The following TMCO1 variants were observed in gnomAD, a reference collection of about 807,000 sequenced individuals.
TMCO1 encodes transmembrane and coiled-coil domains 1, also known as calcium load-activated calcium channel.
TMCO1 carries 29 observed loss-of-function variants against 29.3 expected under a neutral mutation model. That is an observed-to-expected ratio of 0.99 (90% CI 0.74 to 1.35). The LOEUF is 1.35. Among genes scored for constraint, TMCO1 ranks in the 40% most tolerant of loss-of-function variants. The probability of loss-of-function intolerance (pLI) is 0.00; values close to 1 mark genes in which losing one functional copy is unlikely to be tolerated. For missense variants in TMCO1, 173 were observed against 225.5 expected (o/e 0.77, Z 1.49); for synonymous variants, 80 against 77.1 (o/e 1.04, Z -0.20).
chr1:165,751,869 T>C (rs1044530581), intron 5 of TMCO1, among the ~76,000 whole-genome samples: 1 of 151,106 alleles, frequency 6.6e-6, no homozygotes, highest in African/African-American at 2.4e-5. Context: ...ACATAAATAA[T>C]GTATGGATGA....
At chr1:165,759,926 G>C (rs1288341362) in intron 2 of TMCO1, among the ~76,000 whole-genome samples, 1 of 151,948 alleles carries the variant, frequency 6.6e-6, no homozygotes, top group Non-Finnish European at 1.5e-5. Context: ...AGATAACTAG[G>C]GTTAATTGTA....
intron 2 of TMCO1, among the ~76,000 whole-genome samples, chr1:165,765,933 G>A (rs1429221789): frequency 6.6e-6 from 1 of 152,192 alleles, no homozygotes; most frequent in Non-Finnish European, 1.5e-5. Context: ...AGGGAGACAG[G>A]AACACTTGTT....
intron 2 of TMCO1, among the ~76,000 whole-genome samples, chr1:165,765,885 A>G (rs1240533985): frequency 6.6e-6 from 1 of 152,196 alleles, no homozygotes; most frequent in East Asian, 1.9e-4. Context: ...TAGGCTTTTA[A>G]AAAGATTATT....
intron 5 of TMCO1, among the ~76,000 whole-genome samples, chr1:165,750,204 T>C (rs1372062416): frequency 6.6e-6 from 1 of 152,124 alleles, no homozygotes; most frequent in South Asian, 2.1e-4. Context: ...ATACATACTA[T>C]CTAAAAATTC....
chr1:165,743,100 A>G, intron 6 of TMCO1, 67 bp downstream of exon 6: 1 of 1,566,064 alleles, frequency 6.4e-7, no homozygotes, highest in South Asian at 1.1e-5. Context: ...GTATTATAAA[A>G]GTAAAAGCTA....
chr1:165,765,219 C>T (rs1307130050), intron 2 of TMCO1, among the ~76,000 whole-genome samples: 1 of 152,080 alleles, frequency 6.6e-6, no homozygotes, highest in Non-Finnish European at 1.5e-5. Flanking sequence ...ATAAAAGCAA[C>T]AGAAAAAATA....
intron 6 of TMCO1, among the ~76,000 whole-genome samples, chr1:165,731,065 A>G (rs1464274634): frequency 6.6e-6 from 1 of 151,872 alleles, no homozygotes; most frequent in Admixed American, 6.6e-5. Context: ...ATGCCCAGCT[A>G]ATTTTTTGTA....
chr1:165,754,192 T>C, intron 4 of TMCO1, 36 bp downstream of exon 4: 1 of 1,562,070 alleles, frequency 6.4e-7, no homozygotes, highest in East Asian at 2.2e-5. Context: ...AAAAATATTA[T>C]GTGGTTAACC....
At chr1:165,743,915 C>T (rs897705134) in intron 5 of TMCO1, among the ~76,000 whole-genome samples, 3 of 150,370 alleles carry the variant, frequency 2.0e-5, no homozygotes, top group East Asian at 2.0e-4. Flanking sequence ...GGCCAGAGTG[C>T]AGTGTCGCCG....
intron 5 of TMCO1, among the ~76,000 whole-genome samples, chr1:165,750,890 T>A (rs1651968877): frequency 1.3e-5 from 2 of 151,732 alleles, no homozygotes; most frequent in South Asian, 4.2e-4. Context: ...GCCAACATGG[T>A]GAAACCCCGT....
At chr1:165,765,020 AAAGCATTC>A (rs1558043833) in intron 2 of TMCO1, among the ~76,000 whole-genome samples, 1 of 152,210 alleles carries the variant, frequency 6.6e-6, no homozygotes, top group Non-Finnish European at 1.5e-5. Context: ...GCAAAAGAAG[AAAGCATTC>A]AAGTCAACAA....
intron 6 of TMCO1, among the ~76,000 whole-genome samples, chr1:165,736,126 G>T (rs193266958): frequency 1.3e-5 from 2 of 152,272 alleles, no homozygotes; most frequent in Admixed American, 1.3e-4. Context: ...GCAGACAGAA[G>T]GCACTCTCTA....
At chr1:165,767,796 C>A (rs1403773955) in intron 2 of TMCO1, among the ~76,000 whole-genome samples, 1 of 152,184 alleles carries the variant, frequency 6.6e-6, no homozygotes, top group African/African-American at 2.4e-5. Context: ...CCTCATGCCT[C>A]AGTCTCCCAA....
intron 5 of TMCO1, among the ~76,000 whole-genome samples, chr1:165,746,248 G>A (rs931948919): frequency 2.7e-5 from 4 of 149,890 alleles, no homozygotes; most frequent in Admixed American, 2.0e-4. Context: ...GGCGGAGGTC[G>A]TAGTGAGCCG....
intron 5 of TMCO1, among the ~76,000 whole-genome samples, chr1:165,744,385 A>T (rs1199408434): frequency 6.6e-6 from 1 of 152,234 alleles, no homozygotes; most frequent in African/African-American, 2.4e-5. Flanking sequence ...TAGTTATCTC[A>T]GAAACCACTA....
At chr1:165,747,340 ATAT>A (rs1651837625) in intron 5 of TMCO1, among the ~76,000 whole-genome samples, 1 of 151,760 alleles carries the variant, frequency 6.6e-6, no homozygotes, top group Admixed American at 6.6e-5. Context: ...AAAATATGAA[ATAT>A]TACTTATACT....
intron 5 of TMCO1, among the ~76,000 whole-genome samples, chr1:165,750,148 C>A (rs926841870): frequency 1.3e-5 from 2 of 151,954 alleles, no homozygotes; most frequent in Admixed American, 1.3e-4. Flanking sequence ...GTTTAACTCA[C>A]GAAATACTAG....
chr1:165,730,288 G>A (rs984199037), intron 6 of TMCO1, among the ~76,000 whole-genome samples: 13 of 151,978 alleles, frequency 8.6e-5, no homozygotes, highest in Admixed American at 1.3e-4. Flanking sequence ...AGTGAGCCGA[G>A]ATCGCGCCAC....
chr1:165,767,168 C>T (rs1652604478), intron 2 of TMCO1, among the ~76,000 whole-genome samples: 1 of 149,690 alleles, frequency 6.7e-6, no homozygotes, highest in Non-Finnish European at 1.5e-5. Flanking sequence ...CTGTGTAGAT[C>T]AAATATGGTA....
Sources: allele counts gnomAD v4.1 joint callset (sites outside exome capture counted in the v4.1 genomes callset), GRCh38; gene constraint gnomAD v4.1.1; transcripts MANE v1.5; gene names NCBI Gene and HGNC (gene_info 2026-07-23, HGNC 2026-07-21).